The following EPHA3 variants were observed in gnomAD, a reference collection of about 807,000 sequenced individuals.
EPHA3 encodes the protein ephrin type-A receptor 3.
EPHA3 carries 42 observed loss-of-function variants against 107.1 expected under a neutral mutation model. The ratio of observed to expected loss-of-function variants is 0.39; its 90% CI spans 0.31 to 0.51. The LOEUF (loss-of-function observed/expected upper bound fraction) is 0.51. EPHA3 is among the 20% of genes least tolerant of loss of function. The pLI is 0.78. For synonymous variants in EPHA3, 461 were observed against 424.8 expected (o/e 1.09, Z -1.05); for missense variants, 1,183 against 1,211.2 (o/e 0.98, Z 0.35).
intron 5 of EPHA3, among the ~76,000 whole-genome samples, chr3:89,357,238 G>C (rs1205814008): frequency 6.8e-6 from 1 of 147,912 alleles, no homozygotes; most frequent in Non-Finnish European, 1.5e-5. Context: ...TCTGGATAAA[G>C]AGTTAGAAGA....
chr3:89,245,724 T>G (rs1428142198), intron 3 of EPHA3, among the ~76,000 whole-genome samples: 2 of 152,232 alleles, frequency 1.3e-5, no homozygotes, highest in Non-Finnish European at 2.9e-5. Flanking sequence ...TGTGGATGCC[T>G]GTGTACATTA....
At chr3:89,165,959 C>T (rs1344464989) in intron 2 of EPHA3, among the ~76,000 whole-genome samples, 3 of 152,180 alleles carry the variant, frequency 2.0e-5, no homozygotes, top group Non-Finnish European at 4.4e-5. Context: ...GTTTTAGATG[C>T]TATCATCATC....
intron 3 of EPHA3, among the ~76,000 whole-genome samples, chr3:89,324,223 A>G (rs1423791698): frequency 1.4e-5 from 2 of 146,988 alleles, no homozygotes; most frequent in Admixed American, 6.9e-5. Context: ...GCTGGAGTAC[A>G]GTGATGCAAT....
At chr3:89,334,891 C>T (rs867942987) in intron 3 of EPHA3, among the ~76,000 whole-genome samples, 1 of 152,128 alleles carries the variant, frequency 6.6e-6, no homozygotes, top group South Asian at 2.1e-4. Flanking sequence ...TGCTTTTCCT[C>T]TAACATGCTG....
intron 5 of EPHA3, among the ~76,000 whole-genome samples, chr3:89,373,606 G>T (rs1708348360): frequency 6.6e-6 from 1 of 151,770 alleles, no homozygotes; most frequent in Non-Finnish European, 1.5e-5. Context: ...AAGTCTGCTA[G>T]TCAGTGGGAA....
intron 11 of EPHA3, among the ~76,000 whole-genome samples, chr3:89,428,669 C>T (rs1298916890): frequency 1.3e-5 from 2 of 152,028 alleles, no homozygotes; most frequent in Non-Finnish European, 2.9e-5. Flanking sequence ...GAACACCTAG[C>T]ACAGTGCCCT....
At chr3:89,460,588 T>C (rs1459898436) in intron 15 of EPHA3, among the ~76,000 whole-genome samples, 1 of 149,766 alleles carries the variant, frequency 6.7e-6, no homozygotes, top group African/African-American at 2.5e-5. Flanking sequence ...AAAAAGCTTC[T>C]GATCTCTAAG....
chr3:89,427,765 A>G (rs1172274709), intron 11 of EPHA3, among the ~76,000 whole-genome samples: 3 of 151,924 alleles, frequency 2.0e-5, no homozygotes, highest in East Asian at 3.9e-4. Flanking sequence ...AAATGGGAAT[A>G]ATGCATATTG....
chr3:89,309,080 G>A (rs777494753), intron 3 of EPHA3, among the ~76,000 whole-genome samples: 8 of 152,056 alleles, frequency 5.3e-5, no homozygotes, highest in Non-Finnish European at 1.0e-4. Flanking sequence ...AGTAGTGAAA[G>A]TATCAAATGT....
intron 11 of EPHA3, among the ~76,000 whole-genome samples, 174 bp downstream of exon 11, chr3:89,419,564 A>G (rs553042392): frequency 5.9e-5 from 9 of 151,552 alleles, no homozygotes; most frequent in Admixed American, 2.6e-4. Context: ...CCTTTAAATA[A>G]TATTCTATTG....
intron 5 of EPHA3, among the ~76,000 whole-genome samples, chr3:89,378,261 TA>T (rs1186709152): frequency 6.6e-6 from 1 of 152,128 alleles, no homozygotes; most frequent in South Asian, 2.1e-4. Context: ...TAAAGTATAA[TA>T]AAAAATTTTT....
intron 15 of EPHA3, among the ~76,000 whole-genome samples, chr3:89,456,169 A>C (rs1304813631): frequency 6.6e-6 from 1 of 152,190 alleles, no homozygotes; most frequent in Non-Finnish European, 1.5e-5. Context: ...AAAAGCCTAG[A>C]CCTGTTCTCC....
Position 89,158,301 on chromosome 3 carries a change from C to G in EPHA3, c.153+31028C>G, listed in dbSNP as rs563020034. On this transcript the variant is annotated intron_variant, in intron 2 of 16. Coordinates refer to ENST00000336596, the MANE Select transcript of EPHA3 (RefSeq NM_005233.6). ...AGATTTATTTCTGTGGATTCTACCA[C>G]TTCATTGAGGATTGCCTTTAATGTT... is the stretch of plus-strand genomic sequence containing the variant. Among the ~76,000 whole-genome samples, 5 of 152,180 alleles carry G rather than the reference C, an allele frequency of 3.3e-5. No homozygotes were observed. In the East Asian group the frequency reaches 7.7e-4, roughly 24 times the overall value.
intron 2 of EPHA3, among the ~76,000 whole-genome samples, chr3:89,185,928 T>C (rs1184860968): frequency 2.0e-5 from 3 of 152,126 alleles, no homozygotes; most frequent in Non-Finnish European, 4.4e-5. Context: ...TTACTCAAAT[T>C]TAATGCATAT....
At chr3:89,400,624 T>G (rs563585114) in intron 7 of EPHA3, among the ~76,000 whole-genome samples, 3 of 148,492 alleles carry the variant, frequency 2.0e-5, no homozygotes, top group African/African-American at 7.3e-5. Context: ...ATTATGTGTG[T>G]GTGTGTGTGA....
Position 89,403,108 on chromosome 3 carries a change from C to T in EPHA3, c.1594+3628C>T, listed in dbSNP as rs1325410196. ...GAACTTTATAGGGAAGAGATGGAGG[C>T]AGAGCAGAGCACATATTGTTTTCTA... is the stretch of plus-strand genomic sequence containing the variant. On this transcript the variant is annotated intron_variant, in intron 7 of 16. Transcript: ENST00000336596. Among the ~76,000 whole-genome samples, 4 of 152,158 alleles carry T rather than the reference C, an allele frequency of 2.6e-5. No individual in the cohort carries two copies. The East Asian group carries it at 5.8e-4, about 22-fold the overall frequency.
At position 89,209,970 on chromosome 3, in the gene EPHA3, C is replaced by T; in HGVS notation, c.264C>T (p.Pro88=). The T allele has an allele frequency of 6.2e-7, 1 of 1,613,946 alleles. No individual in the cohort carries two copies. Among genetic ancestry groups the T allele is most frequent in the Non-Finnish European group, 8.5e-7 (1 of 1,179,930 alleles). ...QNNWLRTNWV[P]RNSAQKIYVE... is the part of the protein sequence containing the mutation. Reference sequence around the variant, plus strand: ...ATTGGCTGAGAACAAACTGGGTCCCCAGGAACTCAGCTCAGAAGATTTATG... The same window carrying T: ...ATTGGCTGAGAACAAACTGGGTCCCTAGGAACTCAGCTCAGAAGATTTATG... The change falls in exon 3 of 17, where the codon CCC becomes CCT. Residue 88 remains proline (P), a synonymous_variant. Coordinates refer to ENST00000336596, the MANE Select transcript of EPHA3 (RefSeq NM_005233.6).
intron 2 of EPHA3, among the ~76,000 whole-genome samples, chr3:89,187,441 G>A (rs1705595013): frequency 6.7e-6 from 1 of 149,884 alleles, no homozygotes; most frequent in South Asian, 2.1e-4. Flanking sequence ...CATGTATTAT[G>A]TAATTAATTT....
chr3:89,182,427 T>A (rs1398025252), intron 2 of EPHA3, among the ~76,000 whole-genome samples: 1 of 151,990 alleles, frequency 6.6e-6, no homozygotes, highest in East Asian at 1.9e-4. Context: ...GAGGTAGGAA[T>A]GCATTGATAG....
Sources: allele counts gnomAD v4.1 joint callset (sites outside exome capture counted in the v4.1 genomes callset), GRCh38; gene constraint gnomAD v4.1.1; transcripts MANE v1.5; gene names NCBI Gene and HGNC (gene_info 2026-07-23, HGNC 2026-07-21).